Variants in ZNF511 observed in about 807,000 individuals in gnomAD.
ZNF511 encodes the protein zinc finger protein 511.
ZNF511 carries 26 observed loss-of-function variants against 24.8 expected under a neutral mutation model. That is an observed-to-expected ratio of 1.05 (90% confidence interval 0.77 to 1.46). The LOEUF is 1.46. Among genes scored for constraint, ZNF511 ranks in the 40% most tolerant of loss-of-function variants. ZNF511 has a pLI of 0.00. For missense variants in ZNF511, 358 were observed against 345.0 expected, an observed-to-expected ratio of 1.04 and a Z score of -0.30; for synonymous variants, 144 against 139.6, an observed-to-expected ratio of 1.03 and a Z score of -0.22.
chr10:133,310,307 C>T lies in ZNF511; in HGVS notation c.554+19C>T, dbSNP rs1182543470. 5.6e-6 allele frequency: 9 copies of T among 1,612,954 alleles called. No homozygotes were observed. The highest frequency in any genetic ancestry group is 1.7e-5 in the Admixed American group (1 of 59,786). On this transcript the variant is annotated intron_variant, in intron 4 of 5. Transcript: ENST00000361518. ...GCAGAAGGTAGGGAGCCGCCAGGCTCAGCACGTGTCTGCTTTTGATTTTAG... is the reference window on the plus strand; with the variant it reads ...GCAGAAGGTAGGGAGCCGCCAGGCTTAGCACGTGTCTGCTTTTGATTTTAG...
chr10:133,311,741 GAC>G lies in ZNF511; in HGVS notation c.582_583del (p.Asp194GlufsTer15). ...RSPASAEAPG[D>X]SGERSEGEAM... ...CCCAGCCTCAGCAGAAGCCCCAGGG[GAC>G]AGTGGAGAGCGGTCAGAAGGGGAGG... On this transcript the variant is annotated frameshift_variant, in exon 5 of 6. Coordinates refer to ENST00000361518, the MANE Select transcript of ZNF511 (RefSeq NM_145806.4). LOFTEE classifies it high-confidence loss of function. 1 of 1,613,598 alleles carries G rather than the reference GAC, an allele frequency of 6.2e-7. No individual in the cohort carries two copies. The highest frequency in any genetic ancestry group is 8.5e-7 in the Non-Finnish European group (1 of 1,179,978).
At chr10:133,312,028 C>T (rs1307756762) in intron 5 of ZNF511, 187 bp downstream of exon 5, 15 of 1,538,420 alleles carry the variant, frequency 9.8e-6, no homozygotes, top group South Asian at 3.6e-5. Context: ...TAGTTTCTCT[C>T]GCATACTCTG....
rs1305894361 is a variant in ZNF511, at chr10:133,309,408, C to T, written c.172C>T (p.His58Tyr). Residue 58 changes from histidine to tyrosine, a missense_variant, in exon 2 of 6, where the codon CAC becomes TAC. Physicochemically the swap from His to Tyr is moderately conservative, Grantham distance 83. Coordinates refer to ENST00000361518, the MANE Select transcript of ZNF511 (RefSeq NM_145806.4). ...QFFEDGDVQR[H>Y]LYLQDVIMQV... Reference sequence around the variant, plus strand: ...CCTGCAGGATGGGGACGTGCAGCGCCACCTCTACCTCCAGGACGTGATCAT... The same window carrying T: ...CCTGCAGGATGGGGACGTGCAGCGCTACCTCTACCTCCAGGACGTGATCAT... 2.5e-6 allele frequency: 4 copies of T among 1,612,194 alleles called. No homozygotes were observed. The highest frequency in any genetic ancestry group is 1.1e-5 in the South Asian group (1 of 90,984).
intron 3 of ZNF511, 57 bp from the exon 4 acceptor site, chr10:133,310,107 G>A: frequency 6.2e-7 from 1 of 1,612,064 alleles, no homozygotes; most frequent in Non-Finnish European, 8.5e-7. Flanking sequence ...TGCTACGGGG[G>A]CATGGCGGTG....
chr10:133,309,411 C>T lies in ZNF511; in HGVS notation c.175C>T (p.Leu59Phe), dbSNP rs1847932620. The T allele has an allele frequency of 6.2e-7, 1 of 1,612,336 alleles. No individual in the cohort carries two copies. Among genetic ancestry groups the T allele is most frequent in the Non-Finnish European group, 8.5e-7 (1 of 1,179,720 alleles). The change falls in exon 2 of 6, where the codon CTC (leucine) becomes TTC (phenylalanine). Residue 59 changes from leucine to phenylalanine, a missense_variant. Coordinates refer to ENST00000361518, the MANE Select transcript of ZNF511 (RefSeq NM_145806.4). The part of the protein sequence containing the change: ...FFEDGDVQRH[L>F]YLQDVIMQVA... Reference sequence around the variant, plus strand: ...GCAGGATGGGGACGTGCAGCGCCACCTCTACCTCCAGGACGTGATCATGCA... The same window carrying T: ...GCAGGATGGGGACGTGCAGCGCCACTTCTACCTCCAGGACGTGATCATGCA...
At position 133,312,979 on chromosome 10, in the gene ZNF511, TC is replaced by T. The variant is rs1216990058; in HGVS notation, c.*117del. The stretch of plus-strand genomic sequence containing the variant: ...CCTGGGGGCCAGGCCCTCGCCATCC[TC>T]CCCATCCTTGTTCCTCAGCAAATGG... On this transcript the variant is annotated 3_prime_UTR_variant, in exon 6 of 6. Coordinates refer to ENST00000361518, the MANE Select transcript of ZNF511 (RefSeq NM_145806.4). 4.5e-6 allele frequency: 7 copies of T among 1,559,612 alleles called. No individual in the cohort carries two copies. The African/African-American group carries it at 6.8e-5, about 15-fold the overall frequency.
intron 4 of ZNF511, chr10:133,310,566 G>A (rs927142844): frequency 1.5e-5 from 7 of 466,000 alleles, no homozygotes; most frequent in East Asian, 1.3e-4. Context: ...CAGCGCCTCC[G>A]CACTCACACC....
intron 4 of ZNF511, 125 bp from the exon 5 acceptor site, chr10:133,311,591 C>A (rs1847988910): frequency 4.8e-6 from 4 of 831,006 alleles, no homozygotes; most frequent in Non-Finnish European, 5.7e-6. Context: ...TCAGACTATG[C>A]CAAAATAGTA....
At chr10:133,310,100 T>A (rs1223251135) in intron 3 of ZNF511, 64 bp from the exon 4 acceptor site, 3 of 1,611,586 alleles carry the variant, frequency 1.9e-6, no homozygotes, top group Non-Finnish European at 2.5e-6. Context: ...GCAGCTCTGC[T>A]ACGGGGGCAT....
chr10:133,312,239 T>A, intron 5 of ZNF511: 1 of 1,358,314 alleles, frequency 7.4e-7, no homozygotes, highest in South Asian at 1.6e-5. Context: ...TCTGCCTTCC[T>A]AGCATGACCT....
chr10:133,312,104 T>C (rs1848004068), intron 5 of ZNF511: 1 of 1,446,886 alleles, frequency 6.9e-7, no homozygotes, highest in Non-Finnish European at 9.0e-7. Context: ...CTGAGTGGGA[T>C]GGAAAGAGTC....
chr10:133,311,915 G>A (rs1374130592), intron 5 of ZNF511, 74 bp downstream of exon 5: 13 of 1,613,160 alleles, frequency 8.1e-6, no homozygotes, highest in Non-Finnish European at 1.0e-5. Flanking sequence ...CTGCACCTGG[G>A]CCGCAGCTCT....
Position 133,312,840 on chromosome 10 carries a change from A to C in ZNF511, c.733A>C (p.Asn245His). ...GGGTGCCGCTCGAGGATTTAAAAGC[A>C]ACAAGAAGAAAACCAAACAATGCTG... Reference protein sequence around the residue: ...GQGAARGFKSNKKKTKQC With the variant: ...GQGAARGFKSHKKKTKQC The change falls in exon 6 of 6, where the codon AAC (asparagine) becomes CAC (histidine). Residue 245 changes from asparagine (N) to histidine (H), a missense_variant. Asn to His is a moderately conservative substitution (Grantham distance 68). Coordinates refer to ENST00000361518, the MANE Select transcript of ZNF511 (RefSeq NM_145806.4). The C allele has an allele frequency of 6.2e-7, 1 of 1,614,218 alleles. No individual in the cohort carries two copies. The highest frequency in any genetic ancestry group is 8.5e-7 in the Non-Finnish European group (1 of 1,180,040).
chr10:133,310,457 C>G, intron 4 of ZNF511, 169 bp downstream of exon 4: 2 of 832,434 alleles, frequency 2.4e-6, no homozygotes, highest in Admixed American at 5.6e-5. Context: ...GGTGGTTGTG[C>G]CAGCGGCCAC....
chr10:133,311,757 C>T lies in ZNF511; in HGVS notation c.596C>T (p.Ser199Leu), dbSNP rs1428875572. 1 of 1,613,730 alleles carries T rather than the reference C, an allele frequency of 6.2e-7. No homozygotes were observed. The highest frequency in any genetic ancestry group is 8.5e-7 in the Non-Finnish European group (1 of 1,180,038). The change falls in exon 5 of 6, where the codon TCA becomes TTA. Residue 199 changes from serine to leucine, a missense_variant. Ser to Leu is a moderately radical substitution (Grantham distance 145). Transcript: ENST00000361518. ...AEAPGDSGER[S>L]EGEAMEICSE... is the part of the protein sequence containing the mutation. ...GCCCCAGGGGACAGTGGAGAGCGGT[C>T]AGAAGGGGAGGCCATGGAAATCTGC...
At chr10:133,312,286 G>A in intron 5 of ZNF511, 1 of 1,249,602 alleles carries the variant, frequency 8.0e-7, no homozygotes, top group African/African-American at 1.5e-5. Flanking sequence ...TGTACTGTCT[G>A]CCTTTCTAGC....
At chr10:133,312,018 T>TA (rs1295267587) in intron 5 of ZNF511, 177 bp downstream of exon 5, 13 of 1,569,168 alleles carry the variant, frequency 8.3e-6, no homozygotes, top group African/African-American at 1.4e-5. Flanking sequence ...GTGAATAACT[T>TA]AGTTTCTCTC....
At chr10:133,310,568 A>G (rs558938413) in intron 4 of ZNF511, 44 of 462,514 alleles carry the variant, frequency 9.5e-5, no homozygotes, top group African/African-American at 6.7e-4. Context: ...GCGCCTCCGC[A>G]CTCACACCCC....
At chr10:133,311,285 T>TA (rs2136154205) in intron 4 of ZNF511, among the ~76,000 whole-genome samples, 1 of 152,316 alleles carries the variant, frequency 6.6e-6, no homozygotes, top group African/African-American at 2.4e-5. Context: ...TACAAAGACT[T>TA]ACGTGTAAAG....
Sources: allele counts gnomAD v4.1 joint callset (sites outside exome capture counted in the v4.1 genomes callset), GRCh38; gene constraint gnomAD v4.1.1; transcripts MANE v1.5; gene names NCBI Gene and HGNC (gene_info 2026-07-23, HGNC 2026-07-21).